Variants in CCDC171 observed in about 807,000 individuals in gnomAD.
The protein encoded by CCDC171 is coiled-coil domain-containing protein 171.
CCDC171 carries 177 observed loss-of-function variants against 168.2 expected under a neutral mutation model. The ratio of observed to expected loss-of-function variants is 1.05; its 90% CI spans 0.93 to 1.19. The LOEUF (loss-of-function observed/expected upper bound fraction) is 1.19. Ranked by LOEUF, CCDC171 falls within the 50% of genes most tolerant of loss-of-function variation. The pLI is 0.00. For missense variants in CCDC171, 1,991 were observed against 1,539.0 expected, an observed-to-expected ratio of 1.29 and a Z score of -4.91; for synonymous variants, 687 against 540.8, an observed-to-expected ratio of 1.27 and a Z score of -3.75.
In CCDC171 at chr9:15,599,550, C is replaced by A. The variant is rs186637284; in HGVS notation, c.675+5378C>A. Among the ~76,000 whole-genome samples, 1,192 of 152,238 alleles carry A rather than the reference C, an allele frequency of 7.8e-3. 20 individuals are homozygous for A. The highest frequency in any genetic ancestry group is 0.027 in the African/African-American group (1,141 of 41,548). ...GTCTGATGGGCTTCCATTTGTGGGT[C>A]ACCCAACCTTTCTGTCTGGCTGCCC... On this transcript the variant is annotated intron_variant, in intron 6 of 25. Coordinates refer to ENST00000380701, the MANE Select transcript of CCDC171 (RefSeq NM_173550.4).
chr9:15,640,015 C>T (rs2046477278), intron 7 of CCDC171, among the ~76,000 whole-genome samples: 2 of 152,136 alleles, frequency 1.3e-5, no homozygotes, highest in South Asian at 4.1e-4. Context: ...CCTAGTATGG[C>T]ATCTGGCATA....
At chr9:15,689,080 C>CA (rs542609824) in intron 10 of CCDC171, among the ~76,000 whole-genome samples, 117 of 151,824 alleles carry the variant, frequency 7.7e-4, no homozygotes, top group African/African-American at 2.7e-3. Flanking sequence ...ATGAGCATTC[C>CA]AAAAATAAAA....
At chr9:15,576,562 C>T (rs2040681841) in intron 3 of CCDC171, among the ~76,000 whole-genome samples, 1 of 152,146 alleles carries the variant, frequency 6.6e-6, no homozygotes, top group Non-Finnish European at 1.5e-5. Flanking sequence ...GCTTGGTTTG[C>T]ACAAAACCAC....
intron 6 of CCDC171, among the ~76,000 whole-genome samples, chr9:15,605,955 A>T (rs1021030344): frequency 6.6e-6 from 1 of 152,154 alleles, no homozygotes; most frequent in African/African-American, 2.4e-5. Context: ...GGCATATGTT[A>T]CATGACACCA....
chr9:15,787,702 T>C (rs1489381384), intron 21 of CCDC171, among the ~76,000 whole-genome samples: 1 of 152,208 alleles, frequency 6.6e-6, no homozygotes, highest in Non-Finnish European at 1.5e-5. Context: ...TGTTATCAAT[T>C]GGCCTACAGC....
Position 15,697,589 on chromosome 9 carries a change from A to T in CCDC171, c.1318+2252A>T, listed in dbSNP as rs553263196. Among the ~76,000 whole-genome samples the T allele has an allele frequency of 4.7e-3, 717 of 152,248 alleles. 8 individuals carry two copies. The highest frequency in any genetic ancestry group is 0.016 in the African/African-American group (676 of 41,552). On this transcript the variant is annotated intron_variant, in intron 11 of 25. Coordinates refer to ENST00000380701, the MANE Select transcript of CCDC171 (RefSeq NM_173550.4). ...TACATAAGCAAAAAAGTGAGTCACGAGTTTTTCGGCTTCCCAGTATGTTTG... is the reference window on the plus strand; with the variant it reads ...TACATAAGCAAAAAAGTGAGTCACGTGTTTTTCGGCTTCCCAGTATGTTTG...
At chr9:16,055,654 G>T (rs1833828211) in intron 1 of CCDC171, among the ~76,000 whole-genome samples, 1 of 152,230 alleles carries the variant, frequency 6.6e-6, no homozygotes, top group Non-Finnish European at 1.5e-5. Context: ...ATTTCTTGAT[G>T]CCTATCCTCA....
the CCDC171 span, among the ~76,000 whole-genome samples, chr9:16,074,473 C>A: frequency 6.6e-6 from 1 of 152,146 alleles, no homozygotes. Flanking sequence ...TAGTATACTT[C>A]CTGTGCCACT....
At chr9:16,058,658 A>G (rs373237134) in intron 1 of CCDC171, among the ~76,000 whole-genome samples, 27 of 152,346 alleles carry the variant, frequency 1.8e-4, no homozygotes, top group African/African-American at 6.5e-4. Context: ...AAAGATACCA[A>G]TTCCCCGCTG....
chr9:15,694,993 C>G (rs1438463548), intron 10 of CCDC171, among the ~76,000 whole-genome samples: 1 of 152,090 alleles, frequency 6.6e-6, no homozygotes, highest in Non-Finnish European at 1.5e-5. Context: ...AAATGAATTA[C>G]TATATATAAA....
At chr9:15,870,590 A>G (rs1388220968) in intron 23 of CCDC171, among the ~76,000 whole-genome samples, 4 of 151,802 alleles carry the variant, frequency 2.6e-5, no homozygotes, top group Admixed American at 2.0e-4. Flanking sequence ...CAGTTTTTAT[A>G]TATACCTTGA....
intron 20 of CCDC171, among the ~76,000 whole-genome samples, chr9:15,781,786 C>T (rs369697208): frequency 2.6e-5 from 4 of 152,106 alleles, no homozygotes; most frequent in Admixed American, 6.6e-5. Flanking sequence ...ATTTAGTGAT[C>T]GTGTTGACCA....
chr9:15,910,197 C>T (rs567490429), intron 24 of CCDC171, among the ~76,000 whole-genome samples: 2,104 of 145,724 alleles, frequency 0.014, 52 homozygotes, highest in African/African-American at 0.05. Context: ...CACACACACA[C>T]ACACCATATT....
intron 1 of CCDC171, among the ~76,000 whole-genome samples, chr9:15,561,099 C>G (rs1372881550): frequency 6.6e-6 from 1 of 152,150 alleles, no homozygotes; most frequent in East Asian, 1.9e-4. Flanking sequence ...GGAGCTGTTC[C>G]TATTTGGCCA....
chr9:15,776,763 G>T (rs181550165), intron 18 of CCDC171, among the ~76,000 whole-genome samples: 83 of 152,242 alleles, frequency 5.5e-4, no homozygotes, highest in African/African-American at 1.9e-3. Context: ...TTTTAATTTG[G>T]TAAGACTAGC....
intron 23 of CCDC171, among the ~76,000 whole-genome samples, chr9:15,850,842 G>A (rs957195544): frequency 6.6e-6 from 1 of 151,924 alleles, no homozygotes; most frequent in Non-Finnish European, 1.5e-5. Flanking sequence ...TATGGAAGGA[G>A]GGTCCAGGCT....
chr9:15,904,115 C>T (rs1367088264), intron 24 of CCDC171, among the ~76,000 whole-genome samples: 1 of 152,156 alleles, frequency 6.6e-6, no homozygotes, highest in East Asian at 1.9e-4. Context: ...GGATATTATA[C>T]AGGAGAACCT....
intron 7 of CCDC171, among the ~76,000 whole-genome samples, chr9:15,631,342 C>T (rs1301826882): frequency 6.6e-6 from 1 of 152,040 alleles, no homozygotes; most frequent in Non-Finnish European, 1.5e-5. Context: ...AAGGGGATAT[C>T]ACCACCGATC....
chr9:15,587,654 A>G (rs117944289), intron 4 of CCDC171: 9 of 456,742 alleles, frequency 2.0e-5, no homozygotes, highest in East Asian at 1.4e-4. Context: ...AGCGAAGACT[A>G]AAGTTGTTAA....
Sources: allele counts gnomAD v4.1 joint callset (sites outside exome capture counted in the v4.1 genomes callset), GRCh38; gene constraint gnomAD v4.1.1; transcripts MANE v1.5; gene names NCBI Gene and HGNC (gene_info 2026-07-23, HGNC 2026-07-21).